PCDH15: variants seen among roughly 807,000 people sequenced by gnomAD.
The protein encoded by PCDH15 is protocadherin related 15, also known as protocadherin-15.
In PCDH15, 129 loss-of-function variants were observed where a neutral mutation model predicts 178.5. The observed-to-expected ratio is 0.72, with a 90% CI of 0.63 to 0.84. The LOEUF (loss-of-function observed/expected upper bound fraction) is 0.84. Among genes scored for constraint, PCDH15 ranks in the 40% least tolerant of loss-of-function variants. The pLI, the probability that PCDH15 is intolerant of heterozygous loss-of-function variation, is 0.00. For synonymous variants in PCDH15, 800 were observed against 732.0 expected (o/e 1.09, Z -1.50); for missense variants, 2,230 against 2,099.9 (o/e 1.06, Z -1.21).
At chr10:55,283,123 G>C (rs1436658964) in intron 1 of PCDH15, among the ~76,000 whole-genome samples, 1 of 152,072 alleles carries the variant, frequency 6.6e-6, no homozygotes, top group Non-Finnish European at 1.5e-5. Context: ...TCCCTAAATT[G>C]CTCCTGGGAA....
At chr10:54,414,888 T>G (rs1954094270) in intron 3 of PCDH15, among the ~76,000 whole-genome samples, 1 of 151,986 alleles carries the variant, frequency 6.6e-6, no homozygotes, top group Admixed American at 6.6e-5. Flanking sequence ...GAGTTCTTAT[T>G]TTAAAAGCAG....
chr10:54,167,742 C>T (rs980897194), intron 13 of PCDH15, among the ~76,000 whole-genome samples: 17 of 151,972 alleles, frequency 1.1e-4, no homozygotes, highest in Non-Finnish European at 2.4e-4. Context: ...TATTTCCGCA[C>T]CCCAACCTCT....
At chr10:54,100,506 C>T (rs928738286) in intron 15 of PCDH15, among the ~76,000 whole-genome samples, 1 of 152,094 alleles carries the variant, frequency 6.6e-6, no homozygotes, top group Non-Finnish European at 1.5e-5. Flanking sequence ...GTATTTATAT[C>T]TCAGTGACAT....
In PCDH15 at chr10:54,008,966, G is replaced by A. The variant is rs372029757; in HGVS notation, c.2751+11226C>T. Among the ~76,000 whole-genome samples the A allele has an allele frequency of 1.1e-4, 17 of 151,958 alleles. No homozygotes were observed. The East Asian group carries it at 2.9e-3, about 26-fold the overall frequency. ...AATATTATATTCCCTAAATATTTTT[G>A]TAACAGATTTCTAAATGTTATAACA... is the stretch of plus-strand genomic sequence containing the variant. On this transcript the variant is annotated intron_variant, in intron 20 of 37. Coordinates refer to ENST00000644397, the MANE Select transcript of PCDH15 (RefSeq NM_001384140.1).
At chr10:54,603,618 A>G (rs1221768679) in intron 2 of PCDH15, among the ~76,000 whole-genome samples, 1 of 151,842 alleles carries the variant, frequency 6.6e-6, no homozygotes, top group African/African-American at 2.4e-5. Flanking sequence ...CTTATATACT[A>G]TAGGTAAGGA....
intron 32 of PCDH15, chr10:53,822,584 C>T: frequency 6.2e-7 from 1 of 1,613,814 alleles, no homozygotes; most frequent in South Asian, 1.1e-5. Flanking sequence ...GTGTCTCTCT[C>T]CTAGAGAGTG....
chr10:54,185,530 A>T (rs922935588), intron 11 of PCDH15, among the ~76,000 whole-genome samples: 1 of 152,074 alleles, frequency 6.6e-6, no homozygotes, highest in African/African-American at 2.4e-5. Context: ...TAATAGAAAA[A>T]CAGAAAGAAT....
chr10:54,591,259 A>C (rs536037498), intron 2 of PCDH15, among the ~76,000 whole-genome samples: 1 of 152,202 alleles, frequency 6.6e-6, no homozygotes, highest in Non-Finnish European at 1.5e-5. Context: ...CATATGGAAA[A>C]ACTGTCCCAA....
chr10:54,191,986 CG>C (rs1415557849), intron 11 of PCDH15, among the ~76,000 whole-genome samples: 2 of 125,536 alleles, frequency 1.6e-5, no homozygotes, highest in African/African-American at 2.9e-5. Context: ...AAGGAAGGGA[CG>C]GGGGGAAGGA....
intron 21 of PCDH15, among the ~76,000 whole-genome samples, chr10:53,993,771 G>A (rs2926404): frequency 0.75 from 113,990 of 152,040 alleles, 43,361 homozygotes; most frequent in African/African-American, 0.88. Flanking sequence ...AAGGGTCCCA[G>A]TTTGCAACAA....
intron 2 of PCDH15, among the ~76,000 whole-genome samples, chr10:54,562,280 T>C (rs941917406): frequency 2.0e-5 from 3 of 152,092 alleles, no homozygotes; most frequent in African/African-American, 7.2e-5. Context: ...CATGAGCCAC[T>C]GTGCCTGGCC....
intron 2 of PCDH15, among the ~76,000 whole-genome samples, chr10:55,384,943 A>C (rs1424028089): frequency 6.6e-6 from 1 of 152,150 alleles, no homozygotes; most frequent in African/African-American, 2.4e-5. Flanking sequence ...TTTTCTAGCT[A>C]CATATAGGTA....
In PCDH15 at chr10:54,293,512, C is replaced by T. The variant is rs564903379; in HGVS notation, c.876+23759G>A. ...AGCTTCTGCACAGCAAAAGAAACTA[C>T]CATCAGAGTGAACAGGCAACCTACA... On this transcript the variant is annotated intron_variant, in intron 8 of 37. Transcript: ENST00000644397. Among the ~76,000 whole-genome samples the T allele has an allele frequency of 2.0e-5, 3 of 152,196 alleles. No homozygotes were observed. The South Asian group carries it at 6.2e-4, about 32-fold the overall frequency.
intron 4 of PCDH15, among the ~76,000 whole-genome samples, chr10:54,373,110 T>C (rs1314687390): frequency 1.3e-5 from 2 of 151,928 alleles, no homozygotes; most frequent in Admixed American, 1.3e-4. Context: ...GATTTGTTGA[T>C]ATTAGCAGTT....
intron 1 of PCDH15, among the ~76,000 whole-genome samples, chr10:55,306,121 T>C (rs1332793888): frequency 6.6e-6 from 1 of 152,188 alleles, no homozygotes; most frequent in Non-Finnish European, 1.5e-5. Context: ...TGTGAAAATA[T>C]GGATAATCTA....
At chr10:55,251,899 A>G (rs1275125066) in intron 1 of PCDH15, among the ~76,000 whole-genome samples, 1 of 152,170 alleles carries the variant, frequency 6.6e-6, no homozygotes, top group Non-Finnish European at 1.5e-5. Flanking sequence ...GGGCAAATGT[A>G]GGGTGTAGTC....
chr10:54,688,736 G>C (rs184614553), intron 1 of PCDH15, among the ~76,000 whole-genome samples: 13 of 152,084 alleles, frequency 8.5e-5, no homozygotes, highest in Admixed American at 8.5e-4. Context: ...TCACAAAGAA[G>C]TTAAACCCCA....
In PCDH15 at chr10:54,931,896, A is replaced by C. The variant is rs148903254; in HGVS notation, c.-79-34396T>G. On this transcript the variant is annotated intron_variant, in intron 2 of 5. Coordinates refer to the PCDH15 transcript ENST00000458638. ...AGAATCATTAAGTAAAGAGCAAATG[A>C]AGAGTTGCTACTTAACCCTAGGGAA... Among the ~76,000 whole-genome samples the C allele has an allele frequency of 4.5e-3, 684 of 152,280 alleles. 5 individuals carry two copies. The highest frequency in any genetic ancestry group is 4.5e-3 in the Non-Finnish European group (306 of 68,026).
At chr10:55,409,876 A>G (rs1394164105) in intron 2 of PCDH15, among the ~76,000 whole-genome samples, 1 of 152,168 alleles carries the variant, frequency 6.6e-6, no homozygotes, top group Non-Finnish European at 1.5e-5. Context: ...CCTAATAAAA[A>G]AGAGAAATTT....
Sources: allele counts gnomAD v4.1 joint callset (sites outside exome capture counted in the v4.1 genomes callset), GRCh38; gene constraint gnomAD v4.1.1; transcripts MANE v1.5; gene names NCBI Gene and HGNC (gene_info 2026-07-23, HGNC 2026-07-21).